Variants in IFT25 observed in about 807,000 individuals in gnomAD.
IFT25 encodes intraflagellar transport 25.
the IFT25 span, among the ~76,000 whole-genome samples, chr1:53,924,353 T>C: frequency 1.3e-5 from 2 of 152,302 alleles, no homozygotes; most frequent in Admixed American, 1.3e-4. Context: ...GGGAAACAAC[T>C]AGAGCTGAGT....
chr1:53,914,136 T>G, the IFT25 span, among the ~76,000 whole-genome samples: 2 of 152,186 alleles, frequency 1.3e-5, no homozygotes, highest in Non-Finnish European at 2.9e-5. Context: ...GGAGACATTC[T>G]CCATCCTCCT....
chr1:53,940,018 T>C, the IFT25 span: 1 of 1,610,602 alleles, frequency 6.2e-7, no homozygotes. Flanking sequence ...GTGTTTTTCA[T>C]CACTTGATGT....
chr1:53,940,095 A>G, the IFT25 span: 2 of 1,457,748 alleles, frequency 1.4e-6, no homozygotes, highest in Non-Finnish European at 1.9e-6. Flanking sequence ...TAAAGTGTTT[A>G]ACCTGCAAAT....
the IFT25 span, among the ~76,000 whole-genome samples, chr1:53,931,145 AC>A: frequency 6.6e-6 from 1 of 152,202 alleles, no homozygotes; most frequent in Admixed American, 6.5e-5. Context: ...TTCTATCACC[AC>A]CAACTATGCT....
the IFT25 span, among the ~76,000 whole-genome samples, chr1:53,942,861 G>A: frequency 6.6e-6 from 1 of 152,232 alleles, no homozygotes; most frequent in African/African-American, 2.4e-5. Flanking sequence ...AATATGCTAT[G>A]TGCTAACATC....
chr1:53,931,216 G>A, the IFT25 span, among the ~76,000 whole-genome samples: 1 of 152,116 alleles, frequency 6.6e-6, no homozygotes, highest in Non-Finnish European at 1.5e-5. Context: ...ATTGCTTGCA[G>A]CTTTTTACTA....
At chr1:53,935,524 T>C in the IFT25 span, among the ~76,000 whole-genome samples, 1 of 150,768 alleles carries the variant, frequency 6.6e-6, no homozygotes, top group African/African-American at 2.5e-5. Flanking sequence ...ACTCTGTGAA[T>C]AGGCTGGAAG....
the IFT25 span, chr1:53,939,660 G>C: frequency 3.7e-6 from 1 of 273,846 alleles, no homozygotes; most frequent in Non-Finnish European, 6.8e-6. Flanking sequence ...CTTATTCCAA[G>C]AAAAACGGAG....
chr1:53,931,658 A>T, the IFT25 span, among the ~76,000 whole-genome samples: 1 of 152,166 alleles, frequency 6.6e-6, no homozygotes, highest in Non-Finnish European at 1.5e-5. Context: ...ATTAGCTTAA[A>T]TTTGTTCTTT....
the IFT25 span, among the ~76,000 whole-genome samples, chr1:53,936,000 G>C: frequency 5.9e-5 from 9 of 152,132 alleles, no homozygotes; most frequent in East Asian, 1.7e-3. Flanking sequence ...GGTGGCTCAT[G>C]CCTGTAATCC....
chr1:53,942,701 C>G, the IFT25 span, among the ~76,000 whole-genome samples: 1 of 152,208 alleles, frequency 6.6e-6, no homozygotes, highest in Non-Finnish European at 1.5e-5. Context: ...GTACCACATT[C>G]CATCAACATT....
chr1:53,911,891 T>G, the IFT25 span, among the ~76,000 whole-genome samples: 1 of 152,170 alleles, frequency 6.6e-6, no homozygotes, highest in Non-Finnish European at 1.5e-5. Context: ...GAAAGTGTCA[T>G]GAAGTGTTGG....
At chr1:53,944,946 G>A in the IFT25 span, among the ~76,000 whole-genome samples, 1 of 152,128 alleles carries the variant, frequency 6.6e-6, no homozygotes. Context: ...AGCTCCCTTG[G>A]TTCTGGTGCT....
chr1:53,929,865 C>T, the IFT25 span: 1 of 1,087,436 alleles, frequency 9.2e-7, no homozygotes, highest in South Asian at 2.5e-5. Flanking sequence ...CCCATCCTTT[C>T]ACCCCAGCAA....
the IFT25 span, chr1:53,929,491 A>C: frequency 3.9e-5 from 6 of 152,228 alleles, no homozygotes; most frequent in African/African-American, 1.4e-4. Flanking sequence ...TCCCGCCATG[A>C]TTTTGTCTGA....
the IFT25 span, among the ~76,000 whole-genome samples, chr1:53,932,210 G>A: frequency 1.3e-5 from 2 of 152,110 alleles, no homozygotes; most frequent in Non-Finnish European, 2.9e-5. Context: ...AATCAGCCAG[G>A]TGTGGTGGCA....
At chr1:53,929,303 T>C in the IFT25 span, among the ~76,000 whole-genome samples, 1 of 152,210 alleles carries the variant, frequency 6.6e-6, no homozygotes, top group African/African-American at 2.4e-5. Flanking sequence ...CTCTCACAGA[T>C]CTCTGATAAC....
chr1:53,938,388 G>T, the IFT25 span, among the ~76,000 whole-genome samples: 2 of 152,090 alleles, frequency 1.3e-5, no homozygotes, highest in African/African-American at 4.8e-5. Flanking sequence ...CTACAATAAA[G>T]GAAAAAGTAA....
chr1:53,914,043 C>T, the IFT25 span, among the ~76,000 whole-genome samples: 1 of 152,186 alleles, frequency 6.6e-6, no homozygotes. Context: ...GCTTTACCTC[C>T]AGCAGTCTCC....
Sources: allele counts gnomAD v4.1 joint callset (sites outside exome capture counted in the v4.1 genomes callset), GRCh38; gene constraint gnomAD v4.1.1; transcripts MANE v1.5; gene names NCBI Gene and HGNC (gene_info 2026-07-23, HGNC 2026-07-21).